GALNTL6: variants seen among roughly 807,000 people sequenced by gnomAD.
GALNTL6 encodes the protein polypeptide N-acetylgalactosaminyltransferase-like 6.
In GALNTL6, 46 loss-of-function variants were observed where a neutral mutation model predicts 73.7. That is an observed-to-expected ratio of 0.62 (90% CI 0.49 to 0.80). The LOEUF is 0.80. Ranked by LOEUF, GALNTL6 falls within the 30% of genes least tolerant of loss-of-function variation. The pLI, the probability that GALNTL6 is intolerant of heterozygous loss-of-function variation, is 0.00. For missense variants in GALNTL6, 604 were observed against 755.0 expected, an observed-to-expected ratio of 0.80 and a Z score of 2.34; for synonymous variants, 259 against 263.7, an observed-to-expected ratio of 0.98 and a Z score of 0.17.
intron 2 of GALNTL6, among the ~76,000 whole-genome samples, chr4:171,923,412 T>C (rs1332884447): frequency 1.3e-5 from 2 of 150,556 alleles, no homozygotes; most frequent in Non-Finnish European, 3.0e-5. Context: ...TTTTTTTTTT[T>C]TTTGAGACGG....
At chr4:172,893,538 AATGAAAGCTGTGCTGTAGGTAC>A (rs1746163140) in intron 8 of GALNTL6, among the ~76,000 whole-genome samples, 1 of 152,172 alleles carries the variant, frequency 6.6e-6, no homozygotes, top group African/African-American at 2.4e-5. Flanking sequence ...CAGGCAGGAC[AATGAAAGCTGTGCTGTAGGTAC>A]CTTCCTGAGG....
At chr4:172,292,007 A>G (rs1739493522) in intron 3 of GALNTL6, among the ~76,000 whole-genome samples, 1 of 152,130 alleles carries the variant, frequency 6.6e-6, no homozygotes, top group African/African-American at 2.4e-5. Flanking sequence ...TAGTTCACCA[A>G]ATTATCTGTT....
chr4:173,026,869 T>A (rs1223183886), intron 12 of GALNTL6, among the ~76,000 whole-genome samples: 1 of 152,184 alleles, frequency 6.6e-6, no homozygotes, highest in Non-Finnish European at 1.5e-5. Flanking sequence ...GGGTTTTGTG[T>A]TCTGTTTAGG....
chr4:172,746,075 C>T lies in GALNTL6; in HGVS notation c.554-63286C>T, dbSNP rs558164675. Reference sequence around the variant, plus strand: ...AATAAAATTATAATGATAATAATAACATCTGCCTTATAGTATTGCTTGAGG... The same window carrying T: ...AATAAAATTATAATGATAATAATAATATCTGCCTTATAGTATTGCTTGAGG... On this transcript the variant is annotated intron_variant, in intron 5 of 12. Transcript: ENST00000506823. Among the ~76,000 whole-genome samples the T allele has an allele frequency of 2.7e-3, 412 of 152,214 alleles. 4 individuals are homozygous for T. Among genetic ancestry groups the T allele is most frequent in the African/African-American group, 9.5e-3 (394 of 41,540 alleles).
chr4:172,856,681 G>A (rs1744138898), intron 7 of GALNTL6, among the ~76,000 whole-genome samples: 2 of 152,166 alleles, frequency 1.3e-5, no homozygotes, highest in Admixed American at 1.3e-4. Context: ...CAAATTAAAA[G>A]CAGGCAGGAC....
intron 8 of GALNTL6, among the ~76,000 whole-genome samples, chr4:172,915,181 A>T (rs1468811522): frequency 6.6e-6 from 1 of 152,234 alleles, no homozygotes; most frequent in Non-Finnish European, 1.5e-5. Flanking sequence ...GGCAGAAATA[A>T]AGATGTTCTT....
rs562873217 is a variant in GALNTL6, at chr4:172,185,825, G to A, written c.139-43831G>A. Among the ~76,000 whole-genome samples, 43 of 152,224 alleles carry A rather than the reference G, an allele frequency of 2.8e-4. No homozygotes were observed. In the South Asian group the frequency reaches 3.9e-3, roughly 14 times the overall value. ...ATGTGACACTTGACATATAAATTTAGTATTTCAGTAAAGTAATATAGCATT... is the reference window on the plus strand; with the variant it reads ...ATGTGACACTTGACATATAAATTTAATATTTCAGTAAAGTAATATAGCATT... On this transcript the variant is annotated intron_variant, in intron 2 of 12. Coordinates refer to ENST00000506823, the MANE Select transcript of GALNTL6 (RefSeq NM_001034845.3).
At chr4:172,836,515 T>C (rs773578739) in intron 7 of GALNTL6, among the ~76,000 whole-genome samples, 5 of 152,230 alleles carry the variant, frequency 3.3e-5, no homozygotes, top group Admixed American at 3.3e-4. Context: ...CTATGAGTTG[T>C]GGCAGTTAGA....
chr4:171,924,342 T>C (rs894345198), intron 2 of GALNTL6, among the ~76,000 whole-genome samples: 5 of 151,808 alleles, frequency 3.3e-5, no homozygotes, highest in African/African-American at 1.2e-4. Context: ...GCATGAGAGA[T>C]TTGCTAAAAA....
intron 5 of GALNTL6, among the ~76,000 whole-genome samples, chr4:172,397,101 T>A (rs335991): frequency 0.13 from 19,866 of 152,100 alleles, 1,298 homozygotes; most frequent in East Asian, 0.17. Context: ...TATATATATA[T>A]GTGTTTGTTC....
intron 5 of GALNTL6, among the ~76,000 whole-genome samples, chr4:172,700,866 G>A (rs1282097388): frequency 6.6e-6 from 1 of 152,038 alleles, no homozygotes; most frequent in African/African-American, 2.4e-5. Flanking sequence ...TACAGGCAGT[G>A]TATCTATGGA....
At chr4:172,052,507 C>A in intron 2 of GALNTL6, 1 of 1,534,814 alleles carries the variant, frequency 6.5e-7, no homozygotes, top group Non-Finnish European at 8.7e-7. Context: ...GTGCAGACCA[C>A]GGAGTGCATG....
intron 5 of GALNTL6, among the ~76,000 whole-genome samples, chr4:172,618,603 G>A (rs1330143937): frequency 6.6e-6 from 1 of 152,164 alleles, no homozygotes; most frequent in Non-Finnish European, 1.5e-5. Flanking sequence ...TCAGATATAA[G>A]AGTCTTAGAA....
intron 5 of GALNTL6, among the ~76,000 whole-genome samples, chr4:172,589,909 T>C (rs1465878733): frequency 6.6e-6 from 1 of 152,182 alleles, no homozygotes; most frequent in Middle Eastern, 3.2e-3. Context: ...ATGAGCATAA[T>C]GGACCAATTT....
intron 8 of GALNTL6, among the ~76,000 whole-genome samples, chr4:172,884,733 T>C (rs1450810501): frequency 6.6e-6 from 1 of 152,218 alleles, no homozygotes; most frequent in South Asian, 2.1e-4. Flanking sequence ...CATTTTCTTC[T>C]AGTAGTTTCA....
chr4:172,752,873 TTTTA>T (rs1452818110), intron 5 of GALNTL6, among the ~76,000 whole-genome samples: 1 of 152,212 alleles, frequency 6.6e-6, no homozygotes, highest in Non-Finnish European at 1.5e-5. Flanking sequence ...ATAGATATAA[TTTTA>T]TTTTTTTCTG....
At chr4:172,772,099 T>C (rs972362751) in intron 5 of GALNTL6, among the ~76,000 whole-genome samples, 10 of 152,030 alleles carry the variant, frequency 6.6e-5, no homozygotes, top group African/African-American at 2.4e-4. Context: ...GAAACACCCT[T>C]ATAAAACCAT....
At chr4:172,151,602 G>T (rs35297325) in intron 2 of GALNTL6, among the ~76,000 whole-genome samples, 121 of 152,286 alleles carry the variant, frequency 7.9e-4, no homozygotes, top group Middle Eastern at 3.4e-3. Flanking sequence ...AAGGAAAAGT[G>T]GAGCAGATAG....
At chr4:171,824,076 T>TA (rs1338736795) in intron 2 of GALNTL6, among the ~76,000 whole-genome samples, 6 of 44,738 alleles carry the variant, frequency 1.3e-4, no homozygotes, top group Admixed American at 9.2e-4. Context: ...ACAAATCCAT[T>TA]TTATATATAT....
Sources: gnomAD v4.1 joint callset for allele counts (sites outside exome capture counted in the v4.1 genomes callset) on GRCh38, gnomAD v4.1.1 for gene constraint, MANE v1.5 for transcripts, NCBI Gene and HGNC (gene_info 2026-07-23, HGNC 2026-07-21) for gene names.